R3HDM2: variants seen among roughly 807,000 people sequenced by gnomAD.
R3HDM2 encodes the protein R3H domain containing 2, also known as R3H domain-containing protein 2.
In R3HDM2, 38 loss-of-function variants were observed where a neutral mutation model predicts 124.5. That is an observed-to-expected ratio of 0.31 (90% confidence interval 0.24 to 0.40). The LOEUF is 0.40. Ranked by LOEUF, R3HDM2 falls within the 10% of genes least tolerant of loss-of-function variation. The pLI is 1.00. For synonymous variants in R3HDM2, 391 were observed against 448.0 expected, an observed-to-expected ratio of 0.87 and a Z score of 1.61; for missense variants, 869 against 1,236.9, an observed-to-expected ratio of 0.70 and a Z score of 4.46.
At chr12:57,310,498 T>C (rs746894416) in intron 2 of R3HDM2, 35 bp from the exon 3 acceptor site, 1 of 1,230,386 alleles carries the variant, frequency 8.1e-7, no homozygotes, top group Non-Finnish European at 1.1e-6. Context: ...GCAGGAGGTA[T>C]GTATCCATAC....
intron 10 of R3HDM2, among the ~76,000 whole-genome samples, chr12:57,293,080 A>G (rs1224281563): frequency 6.6e-6 from 1 of 152,196 alleles, no homozygotes; most frequent in Non-Finnish European, 1.5e-5. Flanking sequence ...GGTGTTTAGC[A>G]GAGCTGAACA....
At chr12:57,278,076 G>T (rs1436789709) in intron 14 of R3HDM2, among the ~76,000 whole-genome samples, 1 of 152,114 alleles carries the variant, frequency 6.6e-6, no homozygotes, top group Non-Finnish European at 1.5e-5. Context: ...TGCTTCCAGG[G>T]CATCAAAACC....
At chr12:57,371,221 G>T (rs144368296) in intron 2 of R3HDM2, among the ~76,000 whole-genome samples, 3 of 146,396 alleles carry the variant, frequency 2.0e-5, no homozygotes, top group Non-Finnish European at 4.5e-5. Context: ...TCTGCCTACA[G>T]TAACATAAAA....
At chr12:57,310,159 C>T in intron 3 of R3HDM2, 105 bp downstream of exon 3, 1 of 774,204 alleles carries the variant, frequency 1.3e-6, no homozygotes, top group African/African-American at 1.8e-5. Context: ...GCAGTGGGCC[C>T]TAATTGTGCC....
At chr12:57,276,609 C>T (rs113618500) in intron 14 of R3HDM2, among the ~76,000 whole-genome samples, 7,656 of 152,180 alleles carry the variant, frequency 0.05, 639 homozygotes, top group African/African-American at 0.17. Context: ...TAAAATGGGC[C>T]GGGCACAGCG....
At chr12:57,272,957 C>A (rs1355043042) in intron 14 of R3HDM2, among the ~76,000 whole-genome samples, 2 of 152,146 alleles carry the variant, frequency 1.3e-5, no homozygotes, top group Admixed American at 1.3e-4. Flanking sequence ...ATGATCATAA[C>A]CCTCCTTGAC....
intron 14 of R3HDM2, among the ~76,000 whole-genome samples, chr12:57,279,260 G>A (rs1159425649): frequency 6.9e-5 from 10 of 145,836 alleles, no homozygotes; most frequent in South Asian, 2.2e-4. Flanking sequence ...TCGGCTCGCC[G>A]CAACCTCCGC....
chr12:57,385,533 T>C (rs1343017380), intron 2 of R3HDM2, among the ~76,000 whole-genome samples: 2 of 152,082 alleles, frequency 1.3e-5, no homozygotes, highest in African/African-American at 4.8e-5. Flanking sequence ...TGAGCCACCA[T>C]GCCTGGCCTA....
chr12:57,268,552 T>C (rs2042958266), intron 17 of R3HDM2, 95 bp from the exon 18 acceptor site: 12 of 1,282,666 alleles, frequency 9.4e-6, no homozygotes, highest in Non-Finnish European at 1.2e-5. Flanking sequence ...GCATTACAAC[T>C]TCCTTCCCTA....
chr12:57,385,598 G>C (rs1359074768), intron 2 of R3HDM2, among the ~76,000 whole-genome samples: 1 of 151,780 alleles, frequency 6.6e-6, no homozygotes, highest in East Asian at 1.9e-4. Context: ...CCAGCTAGTC[G>C]GGAGGCTGAG....
chr12:57,293,179 G>A (rs2049000125), intron 10 of R3HDM2, among the ~76,000 whole-genome samples: 1 of 152,142 alleles, frequency 6.6e-6, no homozygotes, highest in Non-Finnish European at 1.5e-5. Flanking sequence ...ATCACACACA[G>A]CTCAGCAAAG....
chr12:57,417,479 A>G (rs2069757082), intron 1 of R3HDM2, among the ~76,000 whole-genome samples: 2 of 152,188 alleles, frequency 1.3e-5, no homozygotes, highest in South Asian at 4.1e-4. Flanking sequence ...AACTTCCCTA[A>G]GCCTCACTGT....
At chr12:57,275,262 C>T (rs2044412758) in intron 14 of R3HDM2, among the ~76,000 whole-genome samples, 1 of 152,056 alleles carries the variant, frequency 6.6e-6, no homozygotes, top group Admixed American at 6.6e-5. Context: ...AATTGGCTAG[C>T]CACATGTAGG....
chr12:57,320,735 A>G lies in R3HDM2; in HGVS notation c.-35-10272T>C, dbSNP rs574375685. Among the ~76,000 whole-genome samples the G allele has an allele frequency of 7.9e-5, 12 of 152,278 alleles. No homozygotes were observed. The East Asian group carries it at 2.3e-3, about 29-fold the overall frequency. On this transcript the variant is annotated intron_variant, in intron 2 of 23. Transcript: ENST00000402412. Reference sequence around the variant, plus strand: ...TATAATTTTTTTTACTGCTAGGGTAAGTACCTTCCATAATAGAGTGAGATT... The same window carrying G: ...TATAATTTTTTTTACTGCTAGGGTAGGTACCTTCCATAATAGAGTGAGATT...
rs1025025589 is a variant in R3HDM2, at chr12:57,430,981, G to C, written c.-367C>G. The stretch of plus-strand genomic sequence containing the variant: ...CGGAAAGGGAGAAAAGGGGGGAGGG[G>C]AAAATCAGAAGGGGAAGAAAAGCCC... On this transcript the variant is annotated 5_prime_UTR_variant, in exon 1 of 24. Transcript: ENST00000402412. 6.6e-6 allele frequency: 1 copy of C among 151,944 alleles called. No homozygotes were observed. Among genetic ancestry groups the C allele is most frequent in the Non-Finnish European group, 1.5e-5 (1 of 68,084 alleles). 9.4% of individuals were successfully genotyped at this position (151,944 alleles called of 1,614,324 possible).
intron 1 of R3HDM2, among the ~76,000 whole-genome samples, chr12:57,422,093 C>CA (rs35439340): frequency 0.092 from 6,768 of 73,230 alleles, 295 homozygotes; most frequent in East Asian, 0.21. Flanking sequence ...CTCCGCCTAG[C>CA]AAAAAAAAAA....
intron 2 of R3HDM2, among the ~76,000 whole-genome samples, chr12:57,361,375 CAAA>C (rs71084747): frequency 2.3e-4 from 13 of 57,352 alleles, no homozygotes; most frequent in Non-Finnish European, 3.2e-4. Context: ...AACTCTGTCT[CAAA>C]AAAAAAAAAA....
chr12:57,323,982 T>C (rs2056877958), intron 2 of R3HDM2, among the ~76,000 whole-genome samples: 1 of 152,100 alleles, frequency 6.6e-6, no homozygotes, highest in Non-Finnish European at 1.5e-5. Flanking sequence ...CACACTGTCT[T>C]TTCCCACCCC....
In R3HDM2 at chr12:57,254,251, A is replaced by C; in HGVS notation, c.*522T>G. On this transcript the variant is annotated 3_prime_UTR_variant, in exon 24 of 24. Transcript: ENST00000402412. ...CACAGTGGCTCACGCCTGTAATCCC[A>C]GCACTCTGGAAGGCCAAGGCAGGTG... is the stretch of plus-strand genomic sequence containing the variant. 1 of 454,464 alleles carries C rather than the reference A, an allele frequency of 2.2e-6. No individual in the cohort carries two copies. The allele number at this position is 454,464 out of a possible 1,614,324, so 28.2% of individuals were successfully genotyped here.
Sources: allele counts gnomAD v4.1 joint callset (sites outside exome capture counted in the v4.1 genomes callset), GRCh38; gene constraint gnomAD v4.1.1; transcripts MANE v1.5; gene names NCBI Gene and HGNC (gene_info 2026-07-23, HGNC 2026-07-21).